Variants in RBM47 observed in about 807,000 individuals in gnomAD.
The protein encoded by RBM47 is RNA-binding protein 47.
Under a neutral mutation model 47.1 loss-of-function variants are expected in RBM47, and 21 were observed. The observed-to-expected ratio is 0.45, with a 90% CI of 0.32 to 0.64. The LOEUF is 0.64. Ranked by LOEUF, RBM47 falls within the 30% of genes least tolerant of loss-of-function variation. The pLI, the probability that RBM47 is intolerant of heterozygous loss-of-function variation, is 0.05. For synonymous variants in RBM47, 375 were observed against 361.7 expected (o/e 1.04, Z -0.42); for missense variants, 708 against 870.9 (o/e 0.81, Z 2.35).
intron 2 of RBM47, among the ~76,000 whole-genome samples, chr4:40,490,556 CAAGTGTT>C (rs1298323259): frequency 6.6e-6 from 1 of 151,878 alleles, no homozygotes; most frequent in African/African-American, 2.4e-5. Context: ...AAAAATAATA[CAAGTGTT>C]AAAACTACAA....
chr4:40,587,445 TAG>T (rs1286272337), intron 1 of RBM47, among the ~76,000 whole-genome samples: 1 of 152,032 alleles, frequency 6.6e-6, no homozygotes, highest in African/African-American at 2.4e-5. Flanking sequence ...TATGAAGCGC[TAG>T]GAGCCAGGGG....
rs369936889 is a variant in RBM47 at position 40,576,684 on chromosome 4, G to A, written c.-239-32178C>T. On this transcript the variant is annotated intron_variant, in intron 1 of 6. Transcript: ENST00000295971. ...ACTTCTGGCCTCAAGTGATCCTCTT[G>A]CCTGAGCCCCTCAGGGTGCTGGGAT... Among the ~76,000 whole-genome samples the A allele has an allele frequency of 4.6e-5, 7 of 152,152 alleles. No homozygotes were observed. The East Asian group carries it at 7.7e-4, about 17-fold the overall frequency.
rs1022186811 is a variant in RBM47, at chr4:40,628,068, T to G, written c.-240+1328A>C. Among the ~76,000 whole-genome samples, 3 of 152,218 alleles carry G rather than the reference T, an allele frequency of 2.0e-5. No individual in the cohort carries two copies. Among genetic ancestry groups the G allele is most frequent in the African/African-American group, 7.2e-5 (3 of 41,446 alleles). On this transcript the variant is annotated intron_variant, in intron 1 of 6. Transcript: ENST00000295971. The surrounding 1 kb of genome is among the most constrained non-coding windows in gnomAD (Gnocchi z 4.0). Reference sequence around the variant, plus strand: ...TAAAGGACGGCACAGCTAGGCTTATTTCTTCATTTGACACATACTGAAAGT... The same window carrying G: ...TAAAGGACGGCACAGCTAGGCTTATGTCTTCATTTGACACATACTGAAAGT...
intron 2 of RBM47, among the ~76,000 whole-genome samples, chr4:40,538,328 GT>G (rs34309510): frequency 5.5e-4 from 69 of 125,774 alleles, no homozygotes; most frequent in East Asian, 9.3e-4. Flanking sequence ...TATTGGTATT[GT>G]TTTTTTTTTT....
In RBM47 at chr4:40,461,932, G is replaced by A. The variant is rs1330280196; in HGVS notation, c.-32+4645C>T. 6.6e-5 allele frequency among the ~76,000 whole-genome samples: 7 copies of A among 106,300 alleles called. No individual in the cohort carries two copies. In the East Asian group the frequency reaches 1.3e-3, roughly 20 times the overall value. 69.7% of individuals were successfully genotyped at this position (106,300 alleles called of 152,430 possible). On this transcript the variant is annotated intron_variant, in intron 3 of 6. Transcript: ENST00000295971. ...CCTGGGTGACAAGAGTGAAAACTCC[G>A]TCTCAAAAAAAAAAAAAAAAGATTT... is the stretch of plus-strand genomic sequence containing the variant.
rs1714688433 is a variant in RBM47, at chr4:40,423,790, T to C, written c.*2114A>G. ...AGGCATATGTAAAATACAGTAAGAA[T>C]ACTGGGTCATAGTTTCATCCAGTGA... On this transcript the variant is annotated 3_prime_UTR_variant, in exon 7 of 7. Transcript: ENST00000295971. The C allele has an allele frequency of 6.6e-6, 1 of 152,378 alleles. No individual in the cohort carries two copies. Among genetic ancestry groups the C allele is most frequent in the Non-Finnish European group, 1.5e-5 (1 of 68,006 alleles). 9.4% of individuals were successfully genotyped at this position (152,378 alleles called of 1,614,324 possible).
intron 2 of RBM47, among the ~76,000 whole-genome samples, chr4:40,494,613 T>C (rs937188397): frequency 1.1e-4 from 17 of 152,156 alleles, no homozygotes; most frequent in African/African-American, 3.9e-4. Flanking sequence ...AAGCACCGCA[T>C]TGAGACGAGG....
chr4:40,471,777 T>C (rs1464651391), intron 2 of RBM47, among the ~76,000 whole-genome samples: 3 of 152,110 alleles, frequency 2.0e-5, no homozygotes, highest in African/African-American at 2.4e-5. Flanking sequence ...ACTAAGTTTG[T>C]ATCCTTTGTA....
chr4:40,509,160 A>AAAATAAATAGAT (rs1724530981), intron 2 of RBM47, among the ~76,000 whole-genome samples: 3 of 146,382 alleles, frequency 2.0e-5, no homozygotes, highest in Non-Finnish European at 4.5e-5. Context: ...CCTCCATCTC[A>AAAATAAATAGAT]AAATAAATAA....
intron 3 of RBM47, among the ~76,000 whole-genome samples, chr4:40,452,972 T>C (rs1431509185): frequency 6.6e-6 from 1 of 150,724 alleles, no homozygotes; most frequent in African/African-American, 2.4e-5. Flanking sequence ...GCCTCCCGAG[T>C]AGCTGGAACT....
chr4:40,467,371 AC>A (rs1718215258), intron 2 of RBM47, among the ~76,000 whole-genome samples: 1 of 149,828 alleles, frequency 6.7e-6, no homozygotes, highest in Non-Finnish European at 1.5e-5. Flanking sequence ...CTCACTGCAA[AC>A]GCCACCTCCC....
At chr4:40,617,367 T>A (rs191274310) in intron 1 of RBM47, among the ~76,000 whole-genome samples, 3 of 151,712 alleles carry the variant, frequency 2.0e-5, no homozygotes, top group Admixed American at 2.0e-4. Context: ...GACCATCCTG[T>A]CCAACATGGT....
chr4:40,629,395 C>T lies in RBM47; in HGVS notation c.-240+1G>A, dbSNP rs1436099621. 6.6e-6 allele frequency: 1 copy of T among 152,216 alleles called. No homozygotes were observed. The highest frequency in any genetic ancestry group is 2.4e-5 in the African/African-American group (1 of 41,452). The allele number at this position is 152,216 out of a possible 1,614,324, so 9.4% of individuals were successfully genotyped here. ...AGAAGGACTACCAAAAACCACCTTA[C>T]CTTTCCTTGTTAAGTTTTTGGAGCC... On this transcript the variant is annotated splice_donor_variant, in intron 1 of 6. Coordinates refer to ENST00000295971, the MANE Select transcript of RBM47 (RefSeq NM_001098634.2). LOFTEE classifies it low-confidence loss of function (5UTR_SPLICE).
chr4:40,450,167 C>T (rs1216598340), intron 3 of RBM47, among the ~76,000 whole-genome samples: 1 of 152,140 alleles, frequency 6.6e-6, no homozygotes, highest in Non-Finnish European at 1.5e-5. Context: ...CTCCTTTGAC[C>T]TAAGCCTTTG....
At chr4:40,607,646 G>A (rs528124345) in intron 1 of RBM47, among the ~76,000 whole-genome samples, 7 of 152,302 alleles carry the variant, frequency 4.6e-5, no homozygotes, top group Non-Finnish European at 1.0e-4. Flanking sequence ...GATCGGGGCT[G>A]CAGAGAGCTG....
At chr4:40,600,947 T>G (rs1445833186) in intron 1 of RBM47, among the ~76,000 whole-genome samples, 3 of 125,056 alleles carry the variant, frequency 2.4e-5, no homozygotes, top group Non-Finnish European at 4.7e-5. Flanking sequence ...ATCGCGCCAC[T>G]GCACTCTAGC....
chr4:40,501,510 A>C (rs1449859844), intron 2 of RBM47, among the ~76,000 whole-genome samples: 1 of 152,258 alleles, frequency 6.6e-6, no homozygotes, highest in Non-Finnish European at 1.5e-5. Context: ...ACCGTCTAAT[A>C]CAAAAGCCAC....
intron 1 of RBM47, among the ~76,000 whole-genome samples, chr4:40,544,984 TAG>T (rs1334057296): frequency 2.8e-4 from 42 of 150,846 alleles, no homozygotes; most frequent in African/African-American, 8.8e-4. Context: ...CACTTGAGCC[TAG>T]GAGTTCTGAG....
rs1431124706 is a variant in RBM47 at position 40,423,688 on chromosome 4, CTT to C, written c.*2214_*2215del. 5 of 106,710 alleles carry C rather than the reference CTT, an allele frequency of 4.7e-5. No homozygotes were observed. Among genetic ancestry groups the C allele is most frequent in the African/African-American group, 8.5e-5 (2 of 23,500 alleles). The allele number at this position is 106,710 out of a possible 1,614,324, so 6.6% of individuals were successfully genotyped here. A position where few individuals can be genotyped will look rare whatever the true frequency, so the allele number is the denominator to read the frequency against. On this transcript the variant is annotated 3_prime_UTR_variant, in exon 7 of 7. Coordinates refer to ENST00000295971, the MANE Select transcript of RBM47 (RefSeq NM_001098634.2). ...TCTTTCTTTCTTTCTTTCTTTCTTTCTTTCTTTCTTTCTTTCTTTCTTTCTTT... is the reference window on the plus strand; with the variant it reads ...TCTTTCTTTCTTTCTTTCTTTCTTTCTCTTTCTTTCTTTCTTTCTTTCTTT...
Sources: gnomAD v4.1 joint callset for allele counts (sites outside exome capture counted in the v4.1 genomes callset) on GRCh38, gnomAD v4.1.1 for gene constraint, Gnocchi (gnomAD v3.1) non-coding constraint, MANE v1.5 for transcripts, NCBI Gene and HGNC (gene_info 2026-07-23, HGNC 2026-07-21) for gene names.